The following FAR2 variants were observed in gnomAD, a reference collection of about 807,000 sequenced individuals.
FAR2 encodes fatty acyl-CoA reductase 2.
A neutral mutation model predicts 56.0 loss-of-function variants in FAR2; 19 were observed. The ratio of observed to expected loss-of-function variants is 0.34; its 90% CI spans 0.24 to 0.50. The LOEUF (loss-of-function observed/expected upper bound fraction) is 0.50, where lower values mean the gene tolerates loss of function less well. FAR2 is among the 20% of genes least tolerant of loss of function. The pLI, the probability that FAR2 is intolerant of heterozygous loss-of-function variation, is 0.98. For missense variants in FAR2, 508 were observed against 642.2 expected (o/e 0.79, Z 2.26); for synonymous variants, 219 against 218.8 (o/e 1.00, Z -0.01).
chr12:29,296,938 CCA>C, intron 3 of FAR2, 81 bp from the exon 4 acceptor site: 1 of 1,295,654 alleles, frequency 7.7e-7, no homozygotes, highest in East Asian at 2.4e-5. Context: ...GATAGGTATG[CCA>C]GTTATTGGAG....
chr12:29,233,183 T>A (rs1365637003), intron 1 of FAR2, among the ~76,000 whole-genome samples: 2 of 152,182 alleles, frequency 1.3e-5, no homozygotes, highest in African/African-American at 4.8e-5. Flanking sequence ...CTACCGTCCC[T>A]ATTTTACCTC....
chr12:29,315,208 C>T (rs1420889404), intron 8 of FAR2, among the ~76,000 whole-genome samples: 1 of 152,048 alleles, frequency 6.6e-6, no homozygotes, highest in East Asian at 1.9e-4. Context: ...AGTGAGGGGG[C>T]AAATCAGAGG....
intron 1 of FAR2, among the ~76,000 whole-genome samples, chr12:29,198,347 G>A (rs912602179): frequency 6.6e-6 from 1 of 152,232 alleles, no homozygotes; most frequent in African/African-American, 2.4e-5. Context: ...TCCTGCCTCA[G>A]CCTCCGGAGT....
At chr12:29,248,053 T>A (rs897589451) in intron 1 of FAR2, among the ~76,000 whole-genome samples, 1 of 152,254 alleles carries the variant, frequency 6.6e-6, no homozygotes, top group African/African-American at 2.4e-5. Context: ...GTGTGACATC[T>A]GTGACCTTTG....
chr12:29,333,415 A>G (rs11050200), intron 11 of FAR2: 47 of 508,610 alleles, frequency 9.2e-5, no homozygotes, highest in Admixed American at 7.0e-5. Context: ...GGAGAGAGGT[A>G]TAAGAGAAAT....
At chr12:29,173,114 A>T (rs1276742522) in intron 1 of FAR2, among the ~76,000 whole-genome samples, 1 of 152,184 alleles carries the variant, frequency 6.6e-6, no homozygotes, top group Non-Finnish European at 1.5e-5. Context: ...TTTGCCCTAG[A>T]TCCTGTAGGA....
intron 1 of FAR2, among the ~76,000 whole-genome samples, chr12:29,169,988 C>A (rs111543590): frequency 0.015 from 2,245 of 152,268 alleles, 51 homozygotes; most frequent in African/African-American, 0.05. Context: ...ACTTTTTTAG[C>A]AAACTTTACT....
chr12:29,334,228 G>A lies in FAR2; in HGVS notation c.*434G>A, dbSNP rs1329144521. 1 of 152,540 alleles carries A rather than the reference G, an allele frequency of 6.6e-6. No homozygotes were observed. The highest frequency in any genetic ancestry group is 2.4e-5 in the African/African-American group (1 of 41,408). 9.4% of individuals were successfully genotyped at this position (152,540 alleles called of 1,614,324 possible). A position where few individuals can be genotyped will look rare whatever the true frequency, so the allele number is the denominator to read the frequency against. On this transcript the variant is annotated 3_prime_UTR_variant, in exon 12 of 12. Transcript: ENST00000536681. The stretch of plus-strand genomic sequence containing the variant: ...AAAGAAAAATTTAAAATCAAGATGA[G>A]TAAAAGGAGAATGGTCTCAATATCC...
At chr12:29,240,752 C>T (rs762962965) in intron 1 of FAR2, among the ~76,000 whole-genome samples, 8 of 151,912 alleles carry the variant, frequency 5.3e-5, no homozygotes, top group African/African-American at 1.9e-4. Context: ...AATATATGTA[C>T]GTTTCTCTAA....
At chr12:29,260,250 G>A (rs866893853) in intron 1 of FAR2, among the ~76,000 whole-genome samples, 11 of 152,072 alleles carry the variant, frequency 7.2e-5, no homozygotes, top group Admixed American at 1.3e-4. Context: ...CTGCAACGAG[G>A]AATCAAGCCA....
At chr12:29,171,286 C>T (rs1163137954) in intron 1 of FAR2, 1 of 152,648 alleles carries the variant, frequency 6.6e-6, no homozygotes, top group Non-Finnish European at 1.5e-5. Context: ...AACCTTTGTC[C>T]TCTGGGGCAG....
chr12:29,290,835 G>C (rs1016660547), intron 2 of FAR2, among the ~76,000 whole-genome samples: 20 of 152,162 alleles, frequency 1.3e-4, no homozygotes, highest in Admixed American at 3.9e-4. Flanking sequence ...AGAGTAGAAG[G>C]ATGGTTACCA....
chr12:29,185,833 G>A (rs547167891), intron 1 of FAR2, among the ~76,000 whole-genome samples: 28 of 152,154 alleles, frequency 1.8e-4, no homozygotes, highest in African/African-American at 5.8e-4. Flanking sequence ...CAAGGGACAC[G>A]CCCATTCAAC....
intron 1 of FAR2, among the ~76,000 whole-genome samples, chr12:29,159,144 A>G (rs181772465): frequency 2.6e-5 from 4 of 152,336 alleles, no homozygotes; most frequent in Admixed American, 1.3e-4. Flanking sequence ...ATGTGTAAAT[A>G]TACAATGCTC....
rs541029757 is a variant in FAR2, at chr12:29,213,371, C to T, written c.-38-57041C>T. Among the ~76,000 whole-genome samples the T allele has an allele frequency of 1.4e-4, 21 of 152,066 alleles. No individual in the cohort carries two copies. The South Asian group carries it at 3.9e-3, about 29-fold the overall frequency. On this transcript the variant is annotated intron_variant, in intron 1 of 11. Transcript: ENST00000536681. ...CATATGAGCACTGAATCATAAAGGCCCCTGCCATATATGAGTACAATAAAA... is the reference window on the plus strand; with the variant it reads ...CATATGAGCACTGAATCATAAAGGCTCCTGCCATATATGAGTACAATAAAA...
intron 2 of FAR2, among the ~76,000 whole-genome samples, chr12:29,287,584 GC>G (rs1326576959): frequency 6.6e-6 from 1 of 151,390 alleles, no homozygotes; most frequent in Non-Finnish European, 1.5e-5. Context: ...CACAGAGATT[GC>G]CCCTTAGTTT....
chr12:29,283,041 C>G (rs1948811413), intron 2 of FAR2, among the ~76,000 whole-genome samples: 2 of 152,006 alleles, frequency 1.3e-5, no homozygotes, highest in Non-Finnish European at 2.9e-5. Flanking sequence ...CCAGAGACAC[C>G]ACAAATAATG....
At chr12:29,246,674 GA>G (rs144052633) in intron 1 of FAR2, among the ~76,000 whole-genome samples, 58,974 of 151,686 alleles carry the variant, frequency 0.39, 11,715 homozygotes, top group African/African-American at 0.47. Flanking sequence ...TTAATAATAT[GA>G]AAAAATTAAA....
intron 1 of FAR2, among the ~76,000 whole-genome samples, chr12:29,218,178 A>AACCTTG (rs1947645054): frequency 6.6e-6 from 1 of 152,070 alleles, no homozygotes; most frequent in South Asian, 2.1e-4. Context: ...AACACGGTAA[A>AACCTTG]ACCTTGTCTC....
Sources: gnomAD v4.1 joint callset for allele counts (sites outside exome capture counted in the v4.1 genomes callset) on GRCh38, gnomAD v4.1.1 for gene constraint, MANE v1.5 for transcripts, NCBI Gene and HGNC (gene_info 2026-07-23, HGNC 2026-07-21) for gene names.